GABRA1: variants seen among roughly 807,000 people sequenced by gnomAD.
GABRA1 encodes the protein gamma-aminobutyric acid receptor subunit alpha-1.
GABRA1 carries 9 observed loss-of-function variants against 48.9 expected under a neutral mutation model. That is an observed-to-expected ratio of 0.18 (90% CI 0.11 to 0.32). The LOEUF (loss-of-function observed/expected upper bound fraction) is 0.32, where lower values mean the gene tolerates loss of function less well. Among genes scored for constraint, GABRA1 ranks in the 10% least tolerant of loss-of-function variants. GABRA1 has a pLI of 1.00. For missense variants in GABRA1, 285 were observed against 553.8 expected, an observed-to-expected ratio of 0.51 and a Z score of 4.87; for synonymous variants, 210 against 198.7, an observed-to-expected ratio of 1.06 and a Z score of -0.48.
intron 4 of GABRA1, among the ~76,000 whole-genome samples, chr5:161,869,543 G>T (rs779252800): frequency 6.6e-6 from 1 of 152,146 alleles, no homozygotes; most frequent in South Asian, 2.1e-4. Flanking sequence ...AGGGCACTAG[G>T]TTCTGACAGA....
At chr5:161,860,443 T>C (rs1020360393) in intron 3 of GABRA1, among the ~76,000 whole-genome samples, 16 of 131,752 alleles carry the variant, frequency 1.2e-4, no homozygotes, top group African/African-American at 4.6e-4. Flanking sequence ...ATTAAACCCA[T>C]GGAGACAGAG....
chr5:161,856,440 G>A (rs1027148394), intron 3 of GABRA1, among the ~76,000 whole-genome samples: 28 of 151,208 alleles, frequency 1.9e-4, no homozygotes, highest in African/African-American at 6.3e-4. Context: ...ATAATTCCAG[G>A]ACTTGAGAAA....
At chr5:161,870,434 GC>G (rs1477290680) in intron 4 of GABRA1, among the ~76,000 whole-genome samples, 1 of 151,930 alleles carries the variant, frequency 6.6e-6, no homozygotes. Flanking sequence ...GGTGGCGCAT[GC>G]CTGTAAATCC....
chr5:161,860,419 T>G (rs1244696876), intron 3 of GABRA1, among the ~76,000 whole-genome samples: 1 of 141,458 alleles, frequency 7.1e-6, no homozygotes, highest in Non-Finnish European at 1.5e-5. Flanking sequence ...TAGTGGAAAT[T>G]AAAAATCAGA....
chr5:161,891,978 A>C (rs1293114851), intron 8 of GABRA1, among the ~76,000 whole-genome samples: 1 of 152,242 alleles, frequency 6.6e-6, no homozygotes, highest in Non-Finnish European at 1.5e-5. Context: ...CATTTTTAAA[A>C]GTGAAATCTA....
At chr5:161,895,645 T>C (rs2113463956) in intron 8 of GABRA1, 21 bp from the exon 9 acceptor site, 4 of 1,568,988 alleles carry the variant, frequency 2.5e-6, no homozygotes, top group Non-Finnish European at 3.5e-6. Flanking sequence ...GCATCATGTA[T>C]GTTTTTTTTT....
chr5:161,855,263 A>G (rs1484976911), intron 3 of GABRA1, among the ~76,000 whole-genome samples: 17 of 151,650 alleles, frequency 1.1e-4, no homozygotes, highest in Non-Finnish European at 4.4e-5. Flanking sequence ...TGATTTTTCA[A>G]CTAAATGGTT....
intron 6 of GABRA1, among the ~76,000 whole-genome samples, chr5:161,879,788 T>G (rs1754532735): frequency 6.6e-6 from 1 of 152,170 alleles, no homozygotes. Context: ...GCAATGGTGC[T>G]TCTATGAAAT....
intron 3 of GABRA1, among the ~76,000 whole-genome samples, chr5:161,864,036 A>T (rs1031440830): frequency 6.6e-6 from 1 of 151,928 alleles, no homozygotes; most frequent in East Asian, 1.9e-4. Flanking sequence ...AAATGAAAGA[A>T]TTTCTTGGGT....
chr5:161,893,940 C>A (rs1165080913), intron 8 of GABRA1, among the ~76,000 whole-genome samples: 1 of 152,052 alleles, frequency 6.6e-6, no homozygotes, highest in East Asian at 1.9e-4. Context: ...CAAATTGTAT[C>A]TTCATGTTAA....
At chr5:161,868,636 ATC>A (rs1753980169) in intron 4 of GABRA1, among the ~76,000 whole-genome samples, 1 of 152,140 alleles carries the variant, frequency 6.6e-6, no homozygotes, top group Non-Finnish European at 1.5e-5. Context: ...TGGCCATTCT[ATC>A]TCAGTCTCTG....
In GABRA1 at chr5:161,890,965, A is replaced by G; in HGVS notation, c.771A>G (p.Thr257=). 1 of 1,613,470 alleles carries G rather than the reference A, an allele frequency of 6.2e-7. No homozygotes were observed. The highest frequency in any genetic ancestry group is 1.1e-5 in the South Asian group (1 of 91,072). ...KRKIGYFVIQ[T]YLPCIMTVIL... is the part of the protein sequence containing the mutation. ...AGATTGGCTACTTTGTTATTCAAAC[A>G]TACCTGCCATGCATAATGACAGTGA... is the stretch of plus-strand genomic sequence containing the variant. Residue 257 remains threonine, a synonymous_variant, in exon 8 of 10, where the codon ACA becomes ACG. Coordinates refer to ENST00000393943, the MANE Select transcript of GABRA1 (RefSeq NM_001127644.2).
Position 161,848,205 on chromosome 5 carries a change from T to C in GABRA1, c.-233T>C, listed in dbSNP as rs1160532526. The C allele has an allele frequency of 1.3e-5, 2 of 152,098 alleles. No homozygotes were observed. The highest frequency in any genetic ancestry group is 1.5e-5 in the Non-Finnish European group (1 of 68,080). 9.4% of individuals were successfully genotyped at this position (152,098 alleles called of 1,614,324 possible). A position where few individuals can be genotyped will look rare whatever the true frequency, so the allele number is the denominator to read the frequency against. ...TTGTTGTATAGCTGCAGATTGGATATTGGGAAGCAAATTTGGGTGTGAAAT... is the reference window on the plus strand; with the variant it reads ...TTGTTGTATAGCTGCAGATTGGATACTGGGAAGCAAATTTGGGTGTGAAAT... On this transcript the variant is annotated 5_prime_UTR_variant, in exon 1 of 10. Transcript: ENST00000393943.
At chr5:161,879,430 TA>T (rs1754512609) in intron 6 of GABRA1, among the ~76,000 whole-genome samples, 1 of 152,238 alleles carries the variant, frequency 6.6e-6, no homozygotes, top group South Asian at 2.1e-4. Context: ...GTCTTATTTC[TA>T]AAACTTTTTT....
chr5:161,852,293 T>C (rs1757474562), intron 2 of GABRA1, among the ~76,000 whole-genome samples: 1 of 152,032 alleles, frequency 6.6e-6, no homozygotes, highest in African/African-American at 2.4e-5. Context: ...TGTAAAAACT[T>C]AGAGGGTGTA....
Position 161,895,876 on chromosome 5 carries a change from C to A in GABRA1, c.1059+8C>A, listed in dbSNP as rs758699164. 6 of 1,606,716 alleles carry A rather than the reference C, an allele frequency of 3.7e-6. No homozygotes were observed. The highest frequency in any genetic ancestry group is 4.3e-6 in the Non-Finnish European group (5 of 1,173,346). On this transcript the variant is annotated splice_region_variant and intron_variant, in intron 9 of 9. Coordinates refer to ENST00000393943, the MANE Select transcript of GABRA1 (RefSeq NM_001127644.2). Reference sequence around the variant, plus strand: ...AGTGTGGTTCCAGAAAAGGTAAATGCTTTAATGGTCACTGTAGTACATCAA... The same window carrying A: ...AGTGTGGTTCCAGAAAAGGTAAATGATTTAATGGTCACTGTAGTACATCAA...
chr5:161,871,238 T>C (rs1754107810), intron 4 of GABRA1, among the ~76,000 whole-genome samples: 1 of 152,128 alleles, frequency 6.6e-6, no homozygotes, highest in South Asian at 2.1e-4. Flanking sequence ...AAAACCTCTT[T>C]GGAGCAAGCA....
chr5:161,897,088 T>C (rs1301897048), intron 9 of GABRA1, 23 bp from the exon 10 acceptor site: 1 of 1,611,726 alleles, frequency 6.2e-7, no homozygotes, highest in East Asian at 2.2e-5. Flanking sequence ...CTAAACAAAA[T>C]GCATTGCTCT....
At chr5:161,875,351 T>C (rs566969047) in intron 5 of GABRA1, among the ~76,000 whole-genome samples, 3 of 152,288 alleles carry the variant, frequency 2.0e-5, no homozygotes, top group African/African-American at 7.2e-5. Context: ...GGTTGCCTTG[T>C]TTCTTAAAGC....
Sources: gnomAD v4.1 joint callset for allele counts (sites outside exome capture counted in the v4.1 genomes callset) on GRCh38, gnomAD v4.1.1 for gene constraint, MANE v1.5 for transcripts, NCBI Gene and HGNC (gene_info 2026-07-23, HGNC 2026-07-21) for gene names.